The following TMEM132C variants were observed in gnomAD, a reference collection of about 807,000 sequenced individuals.
The protein encoded by TMEM132C is protein phosphatase 1, regulatory subunit 152.
A neutral mutation model predicts 61.4 loss-of-function variants in TMEM132C; 29 were observed. The observed-to-expected ratio is 0.47, with a 90% CI of 0.35 to 0.64. The LOEUF (loss-of-function observed/expected upper bound fraction) is 0.64. Among genes scored for constraint, TMEM132C ranks in the 30% least tolerant of loss-of-function variants. The probability of loss-of-function intolerance (pLI) is 0.00; values close to 1 mark genes in which losing one functional copy is unlikely to be tolerated. For missense variants in TMEM132C, 1,408 were observed against 1,476.9 expected (o/e 0.95, Z 0.76); for synonymous variants, 656 against 633.1 (o/e 1.04, Z -0.54).
At chr12:128,516,438 C>T (rs1367169958) in intron 2 of TMEM132C, among the ~76,000 whole-genome samples, 2 of 152,116 alleles carry the variant, frequency 1.3e-5, no homozygotes, top group Non-Finnish European at 2.9e-5. Context: ...GGTGGAAGAA[C>T]ATCAGGACAC....
chr12:128,520,097 C>T (rs1268116334), intron 2 of TMEM132C, among the ~76,000 whole-genome samples: 1 of 152,180 alleles, frequency 6.6e-6, no homozygotes, highest in African/African-American at 2.4e-5. Context: ...CTGCCCTCGC[C>T]AACTTTAAAG....
chr12:128,576,698 C>T (rs1430821777), intron 3 of TMEM132C, among the ~76,000 whole-genome samples: 1 of 152,194 alleles, frequency 6.6e-6, no homozygotes, highest in Non-Finnish European at 1.5e-5. Context: ...CAGGTTAAGC[C>T]ATTTGTCCGT....
chr12:128,577,372 A>G (rs570614514), intron 3 of TMEM132C, among the ~76,000 whole-genome samples: 3 of 152,348 alleles, frequency 2.0e-5, no homozygotes, highest in African/African-American at 7.2e-5. Context: ...AAATTGGTAC[A>G]TTAAGAGTGG....
intron 2 of TMEM132C, among the ~76,000 whole-genome samples, chr12:128,490,693 G>A (rs1445834511): frequency 1.3e-5 from 2 of 152,200 alleles, no homozygotes; most frequent in Non-Finnish European, 2.9e-5. Flanking sequence ...AGAGTGGAGT[G>A]GGAATAATAT....
At chr12:128,584,339 C>T (rs1875460561) in intron 3 of TMEM132C, among the ~76,000 whole-genome samples, 1 of 152,178 alleles carries the variant, frequency 6.6e-6, no homozygotes, top group Admixed American at 6.5e-5. Flanking sequence ...GAGCACATGT[C>T]ACCTCCTCCA....
intron 3 of TMEM132C, among the ~76,000 whole-genome samples, chr12:128,603,086 C>T (rs75394148): frequency 6.6e-6 from 1 of 152,208 alleles, no homozygotes; most frequent in Non-Finnish European, 1.5e-5. Context: ...AGGCTTCTCC[C>T]CTCTCCACAG....
rs377425440 is a variant in TMEM132C, at chr12:128,616,207, A to G, written c.1177A>G (p.Ser393Gly). 2 of 1,551,674 alleles carry G rather than the reference A, an allele frequency of 1.3e-6. No homozygotes were observed. The highest frequency in any genetic ancestry group is 1.2e-5 in the South Asian group (1 of 84,074). ...GATGAACTTTGAAATAGCCAGTTTC[A>G]GCAGCCTTTCAGGGACTCAGCCCAT... ...VQMNFEIASF[S>G]SLSGTQPITW... The change falls in exon 4 of 9, where the codon AGC becomes GGC. Residue 393 changes from serine to glycine, a missense_variant. Physicochemically the swap from Ser to Gly is moderately conservative, Grantham distance 56. Coordinates refer to ENST00000435159, the MANE Select transcript of TMEM132C (RefSeq NM_001136103.3).
At chr12:128,495,979 T>C (rs985298432) in intron 2 of TMEM132C, among the ~76,000 whole-genome samples, 4 of 152,170 alleles carry the variant, frequency 2.6e-5, no homozygotes, top group African/African-American at 7.2e-5. Flanking sequence ...ACCGGTTGTT[T>C]CTTTCCATGT....
At chr12:128,552,094 T>C (rs1593097463) in intron 3 of TMEM132C, among the ~76,000 whole-genome samples, 1 of 152,152 alleles carries the variant, frequency 6.6e-6, no homozygotes, top group South Asian at 2.1e-4. Flanking sequence ...GCGGGGTCGG[T>C]GTAGGCACAC....
intron 3 of TMEM132C, among the ~76,000 whole-genome samples, chr12:128,550,795 C>T (rs770398046): frequency 1.3e-5 from 2 of 152,224 alleles, no homozygotes; most frequent in Non-Finnish European, 2.9e-5. Context: ...TCATCCTGAA[C>T]CTGCTTCCGT....
chr12:128,691,267 T>G (rs1432988255), intron 5 of TMEM132C, among the ~76,000 whole-genome samples: 1 of 152,256 alleles, frequency 6.6e-6, no homozygotes, highest in Non-Finnish European at 1.5e-5. Flanking sequence ...CTGAGCACTT[T>G]CTAGAAACTT....
intron 1 of TMEM132C, among the ~76,000 whole-genome samples, chr12:128,345,734 G>T (rs935005766): frequency 6.6e-6 from 1 of 151,862 alleles, no homozygotes; most frequent in Non-Finnish European, 1.5e-5. Context: ...TCCTGTTTAT[G>T]TCCTTTGCTC....
At chr12:128,340,179 C>G (rs1355067924) in intron 1 of TMEM132C, among the ~76,000 whole-genome samples, 1 of 152,152 alleles carries the variant, frequency 6.6e-6, no homozygotes, top group Non-Finnish European at 1.5e-5. Context: ...GCCTTCAAAG[C>G]TTGGGAACAT....
intron 2 of TMEM132C, among the ~76,000 whole-genome samples, chr12:128,434,069 A>G (rs1291036167): frequency 6.6e-6 from 1 of 152,224 alleles, no homozygotes; most frequent in Non-Finnish European, 1.5e-5. Context: ...CAAGAGCTGG[A>G]TGCCACCACT....
intron 4 of TMEM132C, among the ~76,000 whole-genome samples, chr12:128,661,830 G>A (rs7966514): frequency 0.74 from 113,073 of 152,176 alleles, 42,339 homozygotes; most frequent in African/African-American, 0.84. Flanking sequence ...ACAAAACACA[G>A]GTTGATGAAA....
intron 2 of TMEM132C, among the ~76,000 whole-genome samples, chr12:128,517,230 C>CAACA (rs1364279752): frequency 6.4e-5 from 5 of 77,600 alleles, no homozygotes; most frequent in Middle Eastern, 5.4e-3. Context: ...GACTCCGTCT[C>CAACA]AACAAATAAA....
chr12:128,544,777 G>A (rs1308488588), intron 3 of TMEM132C, among the ~76,000 whole-genome samples: 1 of 152,172 alleles, frequency 6.6e-6, no homozygotes, highest in Non-Finnish European at 1.5e-5. Flanking sequence ...ACAAATTTGG[G>A]ATCATCAAAT....
intron 1 of TMEM132C, among the ~76,000 whole-genome samples, chr12:128,375,952 G>A (rs1179319773): frequency 6.6e-6 from 1 of 152,220 alleles, no homozygotes; most frequent in African/African-American, 2.4e-5. Flanking sequence ...CCTAGGCAAG[G>A]CCAGCTCATG....
At chr12:128,351,162 T>C (rs901020919) in intron 1 of TMEM132C, among the ~76,000 whole-genome samples, 1 of 152,178 alleles carries the variant, frequency 6.6e-6, no homozygotes, top group Non-Finnish European at 1.5e-5. Flanking sequence ...GTAAGGACTT[T>C]ACAGTTTATT....
Sources: gnomAD v4.1 joint callset for allele counts (sites outside exome capture counted in the v4.1 genomes callset) on GRCh38, gnomAD v4.1.1 for gene constraint, MANE v1.5 for transcripts, NCBI Gene and HGNC (gene_info 2026-07-23, HGNC 2026-07-21) for gene names.